Variants in MMP16 observed in about 807,000 individuals in gnomAD.
MMP16 encodes matrix metalloproteinase-16.
MMP16 carries 12 observed loss-of-function variants against 67.8 expected under a neutral mutation model. The ratio of observed to expected loss-of-function variants is 0.18; its 90% CI spans 0.11 to 0.29. MMP16 has a LOEUF of 0.29. Ranked by LOEUF, MMP16 falls within the 10% of genes least tolerant of loss-of-function variation. The pLI is 1.00. For missense variants in MMP16, 475 were observed against 765.7 expected, an observed-to-expected ratio of 0.62 and a Z score of 4.48; for synonymous variants, 249 against 255.9, an observed-to-expected ratio of 0.97 and a Z score of 0.26.
At chr8:88,062,386 A>C (rs1808410728) in intron 7 of MMP16, among the ~76,000 whole-genome samples, 1 of 152,166 alleles carries the variant, frequency 6.6e-6, no homozygotes, top group Admixed American at 6.6e-5. Flanking sequence ...TATTCACAAT[A>C]GCAAAGACTT....
At chr8:88,215,801 T>C in intron 1 of MMP16, among the ~76,000 whole-genome samples, 1 of 152,176 alleles carries the variant, frequency 6.6e-6, no homozygotes, top group East Asian at 1.9e-4. Context: ...TTTTTTTGAC[T>C]AGACACTTCA....
rs1463911157 is a variant in MMP16 at position 88,041,402 on chromosome 8, C to T, written c.*59G>A. On this transcript the variant is annotated 3_prime_UTR_variant, in exon 10 of 10. Coordinates refer to ENST00000286614, the MANE Select transcript of MMP16 (RefSeq NM_005941.5). This position sits in a 1 kb window ranked among gnomAD's most constrained non-coding sequence, Gnocchi z 6.0. ...TAGGAAACAGCATAACAGCTCTTGT[C>T]TTGAATCTCAAGTTACCACAAACTC... 2 of 1,532,290 alleles carry T rather than the reference C, an allele frequency of 1.3e-6. No homozygotes were observed. Among genetic ancestry groups the T allele is most frequent in the African/African-American group, 1.4e-5 (1 of 72,892 alleles). 94.9% of individuals were successfully genotyped at this position (1,532,290 alleles called of 1,614,324 possible). A position where few individuals can be genotyped will look rare whatever the true frequency, so the allele number is the denominator to read the frequency against.
chr8:88,241,799 T>C (rs1335820585), intron 1 of MMP16, among the ~76,000 whole-genome samples: 1 of 152,020 alleles, frequency 6.6e-6, no homozygotes, highest in Non-Finnish European at 1.5e-5. Flanking sequence ...ATCAGAGTAA[T>C]TAGTGTATTC....
chr8:88,135,398 C>A (rs1808101975), intron 4 of MMP16, among the ~76,000 whole-genome samples: 1 of 151,742 alleles, frequency 6.6e-6, no homozygotes, highest in Non-Finnish European at 1.5e-5. Flanking sequence ...GATAGGTAAG[C>A]AAACTCAAGG....
chr8:88,250,667 A>C (rs1810195790), intron 1 of MMP16, among the ~76,000 whole-genome samples: 1 of 151,944 alleles, frequency 6.6e-6, no homozygotes, highest in South Asian at 2.1e-4. Context: ...ATTCATATTA[A>C]ATATATATAA....
intron 1 of MMP16, among the ~76,000 whole-genome samples, chr8:88,211,740 T>G (rs1809515919): frequency 6.6e-6 from 1 of 152,190 alleles, no homozygotes; most frequent in Non-Finnish European, 1.5e-5. Flanking sequence ...TGGCTCTATA[T>G]TCTTTCAATT....
intron 1 of MMP16, among the ~76,000 whole-genome samples, chr8:88,233,635 G>A (rs1244160080): frequency 1.3e-5 from 2 of 152,160 alleles, no homozygotes; most frequent in South Asian, 2.1e-4. Flanking sequence ...CTTCCACTAC[G>A]GAAGCTGAGC....
At chr8:88,195,597 C>G (rs944938056) in intron 2 of MMP16, among the ~76,000 whole-genome samples, 3 of 152,094 alleles carry the variant, frequency 2.0e-5, no homozygotes, top group Non-Finnish European at 4.4e-5. Context: ...TAACTTAAAA[C>G]TATATTTATT....
chr8:88,136,889 C>T (rs1242306703), intron 4 of MMP16, among the ~76,000 whole-genome samples: 2 of 151,724 alleles, frequency 1.3e-5, no homozygotes, highest in African/African-American at 4.8e-5. Flanking sequence ...CCACCCCCTA[C>T]TAAAATACTT....
At chr8:88,151,426 C>T (rs2129646329) in intron 4 of MMP16, among the ~76,000 whole-genome samples, 1 of 151,108 alleles carries the variant, frequency 6.6e-6, no homozygotes, top group Non-Finnish European at 1.5e-5. Flanking sequence ...TTCAGCACCA[C>T]ACCACACCTA....
chr8:88,325,139 T>C (rs1022824617), intron 1 of MMP16, among the ~76,000 whole-genome samples: 1 of 152,184 alleles, frequency 6.6e-6, no homozygotes, highest in African/African-American at 2.4e-5. Flanking sequence ...AAACCATTTT[T>C]CCCCACACAT....
In MMP16 at chr8:88,186,511, T is replaced by C; in HGVS notation, c.369A>G (p.Thr123=). 1 of 1,612,410 alleles carries C rather than the reference T, an allele frequency of 6.2e-7. No individual in the cohort carries two copies. Among genetic ancestry groups the C allele is most frequent in the South Asian group, 1.1e-5 (1 of 91,030 alleles). The change falls in exon 3 of 10, where the codon ACA becomes ACG. Residue 123 remains threonine, a synonymous_variant. Transcript: ENST00000286614. ...TGTGCTTGTGCTGCCATTTCTGTCC[T>C]GTCAATGCATATCGCTTTCGACGAA... ...FHIRRKRYAL[T]GQKWQHKHIT... is the part of the protein sequence containing the mutation.
chr8:88,135,160 T>C (rs1808097684), intron 4 of MMP16, among the ~76,000 whole-genome samples: 1 of 151,770 alleles, frequency 6.6e-6, no homozygotes, highest in South Asian at 2.1e-4. Context: ...TTCTACTACA[T>C]GCATTTATTC....
intron 4 of MMP16, among the ~76,000 whole-genome samples, chr8:88,146,182 T>G (rs1299697195): frequency 6.6e-6 from 1 of 152,014 alleles, no homozygotes; most frequent in African/African-American, 2.4e-5. Context: ...TAAAATTCAG[T>G]TAAGATAAAA....
At chr8:88,254,222 T>C (rs1810268702) in intron 1 of MMP16, among the ~76,000 whole-genome samples, 1 of 152,048 alleles carries the variant, frequency 6.6e-6, no homozygotes, top group African/African-American at 2.4e-5. Flanking sequence ...AACAACTAAA[T>C]ACTGCATGTT....
intron 1 of MMP16, among the ~76,000 whole-genome samples, chr8:88,209,876 G>C (rs1266160164): frequency 2.0e-5 from 3 of 152,122 alleles, no homozygotes; most frequent in Admixed American, 6.6e-5. Flanking sequence ...GAATGTTATG[G>C]ACTGAATGTT....
chr8:88,041,859 A>C lies in MMP16; in HGVS notation c.1490-64T>G. ...TTTGTGACAGTGTATATGTAGAGAA[A>C]TGTTACTAAAATAGGCTATGTCTTA... On this transcript the variant is annotated intron_variant, in intron 9 of 9. Transcript: ENST00000286614. This position sits in a 1 kb window ranked among gnomAD's most constrained non-coding sequence, Gnocchi z 6.0. 8.1e-7 allele frequency: 1 copy of C among 1,232,090 alleles called. No homozygotes were observed. The highest frequency in any genetic ancestry group is 1.1e-6 in the Non-Finnish European group (1 of 875,726). 76.3% of individuals were successfully genotyped at this position (1,232,090 alleles called of 1,614,324 possible). A position where few individuals can be genotyped will look rare whatever the true frequency, so the allele number is the denominator to read the frequency against.
rs575098422 is a variant in MMP16, at chr8:88,035,946, G to A, written c.*5515C>T. ...GAATTGTTTCAAAATCACACCAGTG[G>A]AAAAAGTGGAAAATGATTTCAGAAG... On this transcript the variant is annotated 3_prime_UTR_variant, in exon 10 of 10. Transcript: ENST00000286614. This position sits in a 1 kb window ranked among gnomAD's most constrained non-coding sequence, Gnocchi z 4.7. 1 of 151,910 alleles carries A rather than the reference G, an allele frequency of 6.6e-6. No individual in the cohort carries two copies. The highest frequency in any genetic ancestry group is 1.5e-5 in the Non-Finnish European group (1 of 67,846). The allele number at this position is 151,910 out of a possible 1,614,324, so 9.4% of individuals were successfully genotyped here.
intron 1 of MMP16, among the ~76,000 whole-genome samples, chr8:88,273,231 C>T (rs1031320828): frequency 4.7e-5 from 7 of 147,822 alleles, no homozygotes; most frequent in Admixed American, 2.0e-4. Flanking sequence ...GCTACAGGCA[C>T]GTGCCACCAT....
Sources: gnomAD v4.1 joint callset for allele counts (sites outside exome capture counted in the v4.1 genomes callset) on GRCh38, gnomAD v4.1.1 for gene constraint, Gnocchi (gnomAD v3.1) non-coding constraint, MANE v1.5 for transcripts, NCBI Gene and HGNC (gene_info 2026-07-23, HGNC 2026-07-21) for gene names.